The following WWOX variants were observed in gnomAD, a reference collection of about 807,000 sequenced individuals.
The protein encoded by WWOX is WW domain-containing oxidoreductase.
In WWOX, 69 loss-of-function variants were observed where a neutral mutation model predicts 46.2. That is an observed-to-expected ratio of 1.49 (90% CI 1.23 to 1.82). The LOEUF is 1.82. Ranked by LOEUF, WWOX falls within the 40% of genes most tolerant of loss-of-function variation. WWOX has a pLI of 0.00. For synonymous variants in WWOX, 359 were observed against 202.6 expected (o/e 1.77, Z -6.56); for missense variants, 919 against 542.6 (o/e 1.69, Z -6.89).
chr16:78,528,933 TTTTTC>T (rs922664679), intron 8 of WWOX, among the ~76,000 whole-genome samples: 12 of 151,166 alleles, frequency 7.9e-5, no homozygotes, highest in African/African-American at 2.7e-4. Flanking sequence ...TTTTCTTTCC[TTTTTC>T]TTTTCTTTTC....
At chr16:78,386,794 G>T in intron 5 of WWOX, 66 bp from the exon 6 acceptor site, 1 of 1,402,582 alleles carries the variant, frequency 7.1e-7, no homozygotes, top group Non-Finnish European at 1.0e-6. Context: ...CACATTTACT[G>T]TAACTTGATA....
chr16:78,983,119 C>A (rs1402925183), intron 8 of WWOX, among the ~76,000 whole-genome samples: 1 of 152,158 alleles, frequency 6.6e-6, no homozygotes, highest in Non-Finnish European at 1.5e-5. Context: ...CTGAGAATAG[C>A]ATCCAAACAT....
At chr16:78,748,154 G>A (rs1328706437) in intron 8 of WWOX, among the ~76,000 whole-genome samples, 5 of 152,072 alleles carry the variant, frequency 3.3e-5, no homozygotes, top group Non-Finnish European at 7.4e-5. Flanking sequence ...TGCACCCCGT[G>A]TCATTGCCGA....
chr16:78,511,253 C>T (rs2085353060), intron 8 of WWOX, among the ~76,000 whole-genome samples: 1 of 152,202 alleles, frequency 6.6e-6, no homozygotes, highest in African/African-American at 2.4e-5. Context: ...CCTCCTAGTA[C>T]AATTAGTCAC....
intron 8 of WWOX, among the ~76,000 whole-genome samples, chr16:78,681,954 C>T (rs369125863): frequency 1.3e-5 from 2 of 152,110 alleles, no homozygotes; most frequent in Admixed American, 6.5e-5. Context: ...TTCTAGCAAG[C>T]GCCCAGATGT....
chr16:78,405,220 C>T (rs1360325154), intron 6 of WWOX, among the ~76,000 whole-genome samples: 1 of 152,110 alleles, frequency 6.6e-6, no homozygotes, highest in Non-Finnish European at 1.5e-5. Flanking sequence ...GCAAATGGTG[C>T]ATGAAATGAA....
At chr16:78,748,675 G>A (rs1180755691) in intron 8 of WWOX, among the ~76,000 whole-genome samples, 1 of 152,202 alleles carries the variant, frequency 6.6e-6, no homozygotes, top group African/African-American at 2.4e-5. Context: ...TAGGTAAAGT[G>A]CTTATTTGAG....
At chr16:78,100,115 C>G in intron 1 of WWOX, 1 of 1,372,160 alleles carries the variant, frequency 7.3e-7, no homozygotes, top group Non-Finnish European at 9.4e-7. Context: ...GCGCCCTCTG[C>G]TGTTCAGGAT....
intron 5 of WWOX, among the ~76,000 whole-genome samples, chr16:78,322,300 GA>G (rs368725486): frequency 1.8e-3 from 274 of 152,142 alleles, no homozygotes; most frequent in African/African-American, 6.4e-3. Flanking sequence ...GCATTAAGGG[GA>G]AAAAATGACA....
At chr16:78,368,816 A>G (rs139174560) in intron 5 of WWOX, among the ~76,000 whole-genome samples, 71 of 152,276 alleles carry the variant, frequency 4.7e-4, no homozygotes, top group African/African-American at 1.6e-3. Context: ...ATAGGTGACT[A>G]CAGAGCCAGA....
At chr16:78,718,742 TG>T (rs67932870) in intron 8 of WWOX, among the ~76,000 whole-genome samples, 2 of 148,614 alleles carry the variant, frequency 1.3e-5, no homozygotes, top group African/African-American at 2.6e-5. Flanking sequence ...TTCTGAAGGA[TG>T]TTTTTTTAAA....
intron 8 of WWOX, among the ~76,000 whole-genome samples, chr16:78,793,704 T>C (rs1440277908): frequency 6.6e-6 from 1 of 152,148 alleles, no homozygotes; most frequent in Non-Finnish European, 1.5e-5. Flanking sequence ...CATTCAGAAA[T>C]GTTGCAAATG....
intron 8 of WWOX, among the ~76,000 whole-genome samples, chr16:79,100,674 C>T (rs976677043): frequency 2.0e-5 from 3 of 152,088 alleles, no homozygotes; most frequent in South Asian, 2.1e-4. Flanking sequence ...AATTCAGTAC[C>T]TCCTAGCTAA....
At chr16:78,294,486 C>T (rs1240232984) in intron 5 of WWOX, among the ~76,000 whole-genome samples, 1 of 152,106 alleles carries the variant, frequency 6.6e-6, no homozygotes, top group Non-Finnish European at 1.5e-5. Context: ...GTGTGTGAGT[C>T]CCTCTCAACA....
intron 8 of WWOX, among the ~76,000 whole-genome samples, chr16:78,878,341 C>G (rs1006632867): frequency 2.0e-5 from 3 of 152,190 alleles, no homozygotes; most frequent in African/African-American, 7.2e-5. Context: ...AGGCAGGCCC[C>G]TGGGTTCAAT....
intron 5 of WWOX, among the ~76,000 whole-genome samples, chr16:78,240,913 C>G (rs971309262): frequency 3.3e-5 from 5 of 151,996 alleles, no homozygotes; most frequent in African/African-American, 9.7e-5. Flanking sequence ...GGGAGAGACT[C>G]CAAGAATGAA....
chr16:78,540,921 A>G (rs2043876755), intron 8 of WWOX, among the ~76,000 whole-genome samples: 1 of 152,110 alleles, frequency 6.6e-6, no homozygotes, highest in Non-Finnish European at 1.5e-5. Context: ...CCTGGCTTCA[A>G]GTGATCCTCC....
At chr16:78,713,914 C>G (rs1966514) in intron 8 of WWOX, among the ~76,000 whole-genome samples, 13,498 of 152,160 alleles carry the variant, frequency 0.089, 992 homozygotes, top group African/African-American at 0.2. Context: ...CACCCGAGGA[C>G]TGTCGTTGGG....
chr16:79,052,539 C>G (rs2048188281), intron 8 of WWOX, among the ~76,000 whole-genome samples: 2 of 152,182 alleles, frequency 1.3e-5, no homozygotes, highest in South Asian at 4.1e-4. Flanking sequence ...ACCCAAATGT[C>G]CAACAGTGGT....
Sources: gnomAD v4.1 joint callset for allele counts (sites outside exome capture counted in the v4.1 genomes callset) on GRCh38, gnomAD v4.1.1 for gene constraint, MANE v1.5 for transcripts, NCBI Gene and HGNC (gene_info 2026-07-23, HGNC 2026-07-21) for gene names.